Variants in ADGRL2 observed in about 807,000 individuals in gnomAD.
ADGRL2 encodes the protein calcium-independent alpha-latrotoxin receptor 2.
Under a neutral mutation model 157.4 loss-of-function variants are expected in ADGRL2, and 44 were observed. The ratio of observed to expected loss-of-function variants is 0.28; its 90% CI spans 0.22 to 0.36. The LOEUF (loss-of-function observed/expected upper bound fraction) is 0.36, where lower values mean the gene tolerates loss of function less well. Ranked by LOEUF, ADGRL2 falls within the 10% of genes least tolerant of loss-of-function variation. The pLI, the probability that ADGRL2 is intolerant of heterozygous loss-of-function variation, is 1.00. For missense variants in ADGRL2, 1,510 were observed against 1,768.9 expected, an observed-to-expected ratio of 0.85 and a Z score of 2.63; for synonymous variants, 585 against 624.7, an observed-to-expected ratio of 0.94 and a Z score of 0.95.
At chr1:81,702,723 A>G (rs895426866) in intron 1 of ADGRL2, among the ~76,000 whole-genome samples, 2 of 152,224 alleles carry the variant, frequency 1.3e-5, no homozygotes. Flanking sequence ...ATATTAAAAA[A>G]TATTTGTTAT....
At chr1:81,905,947 A>AGTGTGTGTGTGTGTGTGTGTGTGT (rs3046460) in intron 2 of ADGRL2, among the ~76,000 whole-genome samples, 5 of 144,484 alleles carry the variant, frequency 3.5e-5, no homozygotes, top group Non-Finnish European at 7.6e-5. Flanking sequence ...AAAAAAGCAG[A>AGTGTGTGTGTGTGTGTGTGTGTGT]GTGTGTGTGT....
intron 1 of ADGRL2, among the ~76,000 whole-genome samples, chr1:81,394,011 C>T (rs1348235494): frequency 1.3e-5 from 2 of 151,892 alleles, no homozygotes; most frequent in African/African-American, 2.4e-5. Flanking sequence ...TCTTTCTAGA[C>T]TTTTACTGCA....
chr1:81,425,658 G>A (rs1557679875), intron 1 of ADGRL2, among the ~76,000 whole-genome samples: 1 of 152,166 alleles, frequency 6.6e-6, no homozygotes, highest in East Asian at 1.9e-4. Flanking sequence ...AGAGATCTGG[G>A]AGAACTGACC....
chr1:81,884,140 A>G (rs937614097), intron 2 of ADGRL2, among the ~76,000 whole-genome samples: 2 of 151,950 alleles, frequency 1.3e-5, no homozygotes, highest in Non-Finnish European at 1.5e-5. Context: ...CATGTGCGAC[A>G]ACTCCCAACT....
chr1:81,599,086 C>T (rs1418903155), intron 3 of ADGRL2, among the ~76,000 whole-genome samples: 1 of 152,188 alleles, frequency 6.6e-6, no homozygotes, highest in Non-Finnish European at 1.5e-5. Context: ...AGCCTTTGTT[C>T]TGCAACAGGC....
Position 81,907,238 on chromosome 1 carries a change from T to C in ADGRL2, c.287+8T>C. ...CAAAATTATGACTCAAAGGTAAATATTCATGTGTTAATGTCCCATTTGAGC... is the reference window on the plus strand; with the variant it reads ...CAAAATTATGACTCAAAGGTAAATACTCATGTGTTAATGTCCCATTTGAGC... On this transcript the variant is annotated splice_region_variant and intron_variant, in intron 3 of 23. Coordinates refer to ENST00000686636, the MANE Select transcript of ADGRL2 (RefSeq NM_001366006.2). The C allele has an allele frequency of 6.2e-7, 1 of 1,607,982 alleles. No homozygotes were observed. The highest frequency in any genetic ancestry group is 1.1e-5 in the South Asian group (1 of 90,940).
intron 2 of ADGRL2, among the ~76,000 whole-genome samples, chr1:81,568,632 A>G (rs990081112): frequency 6.6e-6 from 1 of 152,190 alleles, no homozygotes; most frequent in Admixed American, 6.5e-5. Flanking sequence ...GTGTTTTTGA[A>G]TGAACGTTGG....
intron 1 of ADGRL2, among the ~76,000 whole-genome samples, chr1:81,756,343 A>C (rs532365126): frequency 8.2e-4 from 125 of 151,602 alleles, no homozygotes; most frequent in Admixed American, 2.3e-3. Context: ...TTCATTCATT[A>C]TTCACTGAAT....
chr1:81,545,483 G>A (rs561493958), intron 2 of ADGRL2, among the ~76,000 whole-genome samples: 77 of 152,048 alleles, frequency 5.1e-4, no homozygotes, highest in African/African-American at 1.7e-3. Context: ...GTTTCACCAC[G>A]TTGGCCAGGC....
intron 2 of ADGRL2, chr1:81,502,347 C>G (rs1438885314): frequency 1.2e-6 from 2 of 1,613,966 alleles, no homozygotes; most frequent in Non-Finnish European, 1.7e-6. Flanking sequence ...GGTGGTTTGG[C>G]CTGGAGTGAT....
intron 1 of ADGRL2, among the ~76,000 whole-genome samples, chr1:81,327,445 A>C (rs188960627): frequency 1.3e-3 from 197 of 152,314 alleles, no homozygotes; most frequent in Admixed American, 2.5e-3. Flanking sequence ...TCTGTGCCAG[A>C]AACTGATTAA....
At chr1:81,540,548 TCACA>T (rs2079857730) in intron 2 of ADGRL2, among the ~76,000 whole-genome samples, 3 of 152,134 alleles carry the variant, frequency 2.0e-5, no homozygotes, top group African/African-American at 7.2e-5. Flanking sequence ...GATAGGGTGA[TCACA>T]AAGGCCAGAG....
At chr1:81,418,791 T>C (rs187433239) in intron 1 of ADGRL2, among the ~76,000 whole-genome samples, 1 of 152,250 alleles carries the variant, frequency 6.6e-6, no homozygotes, top group African/African-American at 2.4e-5. Context: ...CAAATCAAAC[T>C]TTCTAACTTG....
At chr1:81,472,549 T>C (rs766001383) in intron 2 of ADGRL2, among the ~76,000 whole-genome samples, 1 of 152,066 alleles carries the variant, frequency 6.6e-6, no homozygotes, top group Non-Finnish European at 1.5e-5. Flanking sequence ...GAGAATCTCT[T>C]GAACCAGGGA....
chr1:81,707,396 G>T (rs767812505), intron 1 of ADGRL2, among the ~76,000 whole-genome samples: 1 of 152,068 alleles, frequency 6.6e-6, no homozygotes, highest in Non-Finnish European at 1.5e-5. Context: ...AGGAGAATGT[G>T]AAAATTTCTT....
Position 81,984,587 on chromosome 1 carries a change from G to A in ADGRL2, c.3287G>A (p.Arg1096Gln), listed in dbSNP as rs767737569. 6.9e-6 allele frequency: 11 copies of A among 1,602,606 alleles called. No homozygotes were observed. In the Admixed American group the frequency reaches 1.0e-4, roughly 15 times the overall value. The stretch of plus-strand genomic sequence containing the variant: ...TCTTGTGATTATTCAATGCAGGTAC[G>A]AAAAGAATATGGCAAGTGCTTCAGA... ...IFHCALQKKV[R>Q]KEYGKCFRHS... Residue 1096 changes from arginine to glutamine, a missense_variant, in exon 20 of 24, where the codon CGA becomes CAA. This residue lies in a region of ADGRL2 where 497 missense variants were observed against 627.2 expected (regional missense o/e 0.79). Coordinates refer to ENST00000686636, the MANE Select transcript of ADGRL2 (RefSeq NM_001366006.2).
intron 2 of ADGRL2, among the ~76,000 whole-genome samples, chr1:81,465,459 G>A (rs988752776): frequency 4.0e-5 from 6 of 151,728 alleles, no homozygotes; most frequent in East Asian, 1.9e-4. Flanking sequence ...ATTTAATTTC[G>A]TTCCATGTTT....
At chr1:81,511,477 T>C (rs2148088740) in intron 2 of ADGRL2, among the ~76,000 whole-genome samples, 1 of 149,218 alleles carries the variant, frequency 6.7e-6, no homozygotes, top group Non-Finnish European at 1.5e-5. Flanking sequence ...CTTCTCAACA[T>C]ACCAACGATT....
chr1:81,566,494 G>T (rs1166468750), intron 2 of ADGRL2, among the ~76,000 whole-genome samples: 9 of 152,114 alleles, frequency 5.9e-5, no homozygotes. Context: ...AAATGCAGGA[G>T]TCTATTGAAA....
Sources: allele counts gnomAD v4.1 joint callset (sites outside exome capture counted in the v4.1 genomes callset), GRCh38; gene constraint gnomAD v4.1.1; regional missense constraint gnomAD v4.1.1; transcripts MANE v1.5; gene names NCBI Gene and HGNC (gene_info 2026-07-23, HGNC 2026-07-21).